FLRT1: variants seen among roughly 807,000 people sequenced by gnomAD.
The protein encoded by FLRT1 is leucine-rich repeat transmembrane protein FLRT1.
A neutral mutation model predicts 30.9 loss-of-function variants in FLRT1; 14 were observed. That is an observed-to-expected ratio of 0.45 (90% CI 0.30 to 0.71). The LOEUF is 0.71. FLRT1 is among the 30% of genes least tolerant of loss of function. The pLI is 0.08. For missense variants in FLRT1, 737 were observed against 949.2 expected (o/e 0.78, Z 2.94); for synonymous variants, 368 against 430.4 (o/e 0.85, Z 1.80).
At chr11:64,085,099 T>A (rs967915583) in intron 1 of FLRT1, among the ~76,000 whole-genome samples, 1 of 152,114 alleles carries the variant, frequency 6.6e-6, no homozygotes, top group Non-Finnish European at 1.5e-5. Context: ...TATCAGTAGG[T>A]TTCAAGCCCA....
intron 1 of FLRT1, among the ~76,000 whole-genome samples, chr11:64,100,602 A>T (rs1011222823): frequency 6.6e-6 from 1 of 152,088 alleles, no homozygotes; most frequent in South Asian, 2.1e-4. Flanking sequence ...ACGCATTTAC[A>T]TATTTATTCT....
At chr11:64,039,224 G>A (rs112122904) in intron 1 of FLRT1, among the ~76,000 whole-genome samples, 8 of 152,258 alleles carry the variant, frequency 5.3e-5, no homozygotes, top group Non-Finnish European at 7.4e-5. Flanking sequence ...GTGAGCGAGC[G>A]TGGGTGGACA....
intron 1 of FLRT1, among the ~76,000 whole-genome samples, chr11:64,088,693 G>A (rs531418876): frequency 2.6e-5 from 4 of 152,242 alleles, no homozygotes; most frequent in African/African-American, 4.8e-5. Context: ...TCTGGGTCTC[G>A]GCTGCCCTGT....
chr11:64,079,731 G>T (rs1189734400), intron 1 of FLRT1, among the ~76,000 whole-genome samples: 1 of 152,086 alleles, frequency 6.6e-6, no homozygotes, highest in African/African-American at 2.4e-5. Flanking sequence ...GAGAGAGTGG[G>T]GCGCACGCTC....
rs188717935 is a variant in FLRT1 at position 64,090,876 on chromosome 11, A to T, written c.-1037-12318A>T. Reference sequence around the variant, plus strand: ...CCAGGGAGCCCTGAGGGACGAAGTAAAGCAGGAGAGGGCAGGGGGAGGGAC... The same window carrying T: ...CCAGGGAGCCCTGAGGGACGAAGTATAGCAGGAGAGGGCAGGGGGAGGGAC... On this transcript the variant is annotated intron_variant, in intron 1 of 2. Transcript: ENST00000682287. This position sits in a 1 kb window ranked among gnomAD's most constrained non-coding sequence, Gnocchi z 4.7. 6.6e-6 allele frequency among the ~76,000 whole-genome samples: 1 copy of T among 152,044 alleles called. No homozygotes were observed. Among genetic ancestry groups the T allele is most frequent in the East Asian group, 1.9e-4 (1 of 5,146 alleles).
Position 64,083,463 on chromosome 11 carries a change from A to C in FLRT1, c.-1037-19731A>C, listed in dbSNP as rs955686466. Among the ~76,000 whole-genome samples, 3 of 152,260 alleles carry C rather than the reference A, an allele frequency of 2.0e-5. No individual in the cohort carries two copies. The East Asian group carries it at 5.8e-4, about 29-fold the overall frequency. On this transcript the variant is annotated intron_variant, in intron 1 of 2. Coordinates refer to ENST00000682287, the MANE Select transcript of FLRT1 (RefSeq NM_013280.5). ...GACTCTGTCCCCCAAAAATAAAAGA[A>C]GCAAATGGCAGGATTTGAACCCCAG...
chr11:64,090,259 A>G lies in FLRT1; in HGVS notation c.-1037-12935A>G, dbSNP rs1192119631. ...GCGTGTGGGTCTCCAGCCTTTGCTC[A>G]TCCTCGGGAAATGCATCGTGCGTTG... On this transcript the variant is annotated intron_variant, in intron 1 of 2. Transcript: ENST00000682287. The surrounding 1 kb of genome is among the most constrained non-coding windows in gnomAD (Gnocchi z 4.7). Among the ~76,000 whole-genome samples the G allele has an allele frequency of 2.6e-5, 4 of 152,166 alleles. No individual in the cohort carries two copies. The highest frequency in any genetic ancestry group is 4.4e-5 in the Non-Finnish European group (3 of 68,010).
chr11:64,087,090 C>T (rs1209120726), intron 1 of FLRT1: 1 of 152,258 alleles, frequency 6.6e-6, no homozygotes, highest in Admixed American at 6.5e-5. Flanking sequence ...GCACAATTAA[C>T]ATCCCCACTG....
chr11:64,085,848 TAA>T (rs1440007478), intron 1 of FLRT1, among the ~76,000 whole-genome samples: 20 of 152,102 alleles, frequency 1.3e-4, no homozygotes, highest in Non-Finnish European at 2.8e-4. Context: ...GCAGGAGGAA[TAA>T]GAGATGATGC....
chr11:64,060,761 A>G (rs976045384), intron 1 of FLRT1: 1 of 152,218 alleles, frequency 6.6e-6, no homozygotes, highest in African/African-American at 2.4e-5. Context: ...TTCACCGGAA[A>G]ATGCGAGACT....
chr11:64,059,345 G>A (rs555949757), intron 1 of FLRT1, among the ~76,000 whole-genome samples: 6 of 152,296 alleles, frequency 3.9e-5, no homozygotes, highest in South Asian at 2.1e-4. Flanking sequence ...CATGGGAGGC[G>A]TTGCGGGCTT....
chr11:64,083,128 T>C (rs962710735), intron 1 of FLRT1: 9 of 152,120 alleles, frequency 5.9e-5, no homozygotes, highest in African/African-American at 2.2e-4. Flanking sequence ...GATGAATGAG[T>C]AAACAGCAGT....
At chr11:64,097,205 C>G (rs1005588159) in intron 1 of FLRT1, among the ~76,000 whole-genome samples, 17 of 152,186 alleles carry the variant, frequency 1.1e-4, no homozygotes, top group African/African-American at 3.6e-4. Flanking sequence ...GGCCTCCAGA[C>G]CCCCCAGAAA....
At chr11:64,092,890 C>T (rs1192301274) in intron 1 of FLRT1, among the ~76,000 whole-genome samples, 3 of 152,386 alleles carry the variant, frequency 2.0e-5, no homozygotes, top group Admixed American at 2.0e-4. Flanking sequence ...AGTGAACAAA[C>T]TTCAATTGGC....
chr11:64,061,142 C>T (rs967760194), intron 1 of FLRT1, among the ~76,000 whole-genome samples: 1 of 152,248 alleles, frequency 6.6e-6, no homozygotes, highest in African/African-American at 2.4e-5. Flanking sequence ...GAGCTGTTTT[C>T]AGTCTAGGCT....
chr11:64,109,740 G>A (rs958510150), intron 2 of FLRT1, among the ~76,000 whole-genome samples: 3 of 152,144 alleles, frequency 2.0e-5, no homozygotes, highest in Non-Finnish European at 2.9e-5. Context: ...AGCTCTGTGC[G>A]GCCCAGACAT....
chr11:64,070,641 G>A (rs747554922), intron 1 of FLRT1, among the ~76,000 whole-genome samples: 8 of 152,154 alleles, frequency 5.3e-5, no homozygotes, highest in Non-Finnish European at 1.0e-4. Flanking sequence ...ACTAACACTC[G>A]GGCTGGGGCC....
intron 1 of FLRT1, among the ~76,000 whole-genome samples, chr11:64,094,734 A>G (rs986462671): frequency 3.3e-5 from 5 of 152,210 alleles, no homozygotes; most frequent in African/African-American, 1.2e-4. Flanking sequence ...AGGCCTCTCA[A>G]TGCTGACCCC....
Position 64,041,434 on chromosome 11 carries a change from G to A in FLRT1, c.-1038+5275G>A, listed in dbSNP as rs1311627737. 2.0e-5 allele frequency among the ~76,000 whole-genome samples: 3 copies of A among 152,026 alleles called. No homozygotes were observed. The East Asian group carries it at 5.8e-4, about 30-fold the overall frequency. ...GCTGGAACCAGGAGGGGCTTTTCCT[G>A]GGGGAGGTCAGCCAGGGGCTGAGGA... On this transcript the variant is annotated intron_variant, in intron 1 of 2. Transcript: ENST00000682287.
Sources: allele counts gnomAD v4.1 joint callset (sites outside exome capture counted in the v4.1 genomes callset), GRCh38; gene constraint gnomAD v4.1.1; non-coding constraint Gnocchi (gnomAD v3.1); transcripts MANE v1.5; gene names NCBI Gene and HGNC (gene_info 2026-07-23, HGNC 2026-07-21).